Variants in CD40LG observed in about 807,000 individuals in gnomAD.
CD40LG encodes CD40 antigen ligand.
A neutral mutation model predicts 17.2 loss-of-function variants in CD40LG; 1 was observed. The ratio of observed to expected loss-of-function variants is 0.06; its 90% CI spans 0.02 to 0.28. The LOEUF (loss-of-function observed/expected upper bound fraction) is 0.28, where lower values mean the gene tolerates loss of function less well. Ranked by LOEUF, CD40LG falls within the 10% of genes least tolerant of loss-of-function variation. The pLI, the probability that CD40LG is intolerant of heterozygous loss-of-function variation, is 1.00. For synonymous variants in CD40LG, 66 were observed against 74.4 expected, an observed-to-expected ratio of 0.89 and a Z score of 0.58; for missense variants, 133 against 193.2, an observed-to-expected ratio of 0.69 and a Z score of 1.85.
intron 2 of CD40LG, among the ~76,000 whole-genome samples, chrX:136,653,416 A>G (rs2076109773): frequency 8.9e-6 from 1 of 112,745 alleles, no homozygotes; most frequent in Non-Finnish European, 1.9e-5. Flanking sequence ...GAAGGAGCAC[A>G]GGACTTTGAT....
At position 136,648,181 on chromosome X, in the gene CD40LG, T is replaced by C; in HGVS notation, c.-68T>C. 1.2e-6 allele frequency: 1 copy of C among 855,151 alleles called. No individual in the cohort carries two copies. Among genetic ancestry groups the C allele is most frequent in the Non-Finnish European group, 1.8e-6 (1 of 571,068 alleles). 70.5% of individuals were successfully genotyped at this position (855,151 alleles called of 1,213,427 possible). ...CTAATCCTGAGTAAGGTGGCCACTT[T>C]GACAGTCTTCTCATGCTGCCTCTGC... On this transcript the variant is annotated 5_prime_UTR_variant, in exon 1 of 5. Coordinates refer to ENST00000370629, the MANE Select transcript of CD40LG (RefSeq NM_000074.3).
At chrX:136,656,084 C>A (rs1214606418) in intron 3 of CD40LG, among the ~76,000 whole-genome samples, 3 of 112,033 alleles carry the variant, frequency 2.7e-5, no homozygotes, top group African/African-American at 9.8e-5. Flanking sequence ...TAATGAAGAC[C>A]AGTGTTTTTA....
chrX:136,652,018 G>C (rs1450682434), intron 2 of CD40LG, among the ~76,000 whole-genome samples: 2 of 111,437 alleles, frequency 1.8e-5, no homozygotes, highest in African/African-American at 6.5e-5. Flanking sequence ...AGCTACCGAG[G>C]ATAGGAGTAA....
At chrX:136,657,103 T>C (rs3092928) in intron 4 of CD40LG, among the ~76,000 whole-genome samples, 8,289 of 111,512 alleles carry the variant, frequency 0.074, 683 homozygotes, top group African/African-American at 0.24. Flanking sequence ...ACATAAAGTC[T>C]CCCATCAACA....
At chrX:136,654,513 T>TC in intron 3 of CD40LG, 83 bp downstream of exon 3, 1 of 718,727 alleles carries the variant, frequency 1.4e-6, no homozygotes, top group South Asian at 2.3e-5. Context: ...CAACCCAGTG[T>TC]TGTTGCATCA....
At chrX:136,651,502 G>A (rs1254947533) in intron 2 of CD40LG, among the ~76,000 whole-genome samples, 7 of 111,870 alleles carry the variant, frequency 6.3e-5, no homozygotes, top group East Asian at 2.8e-4. Context: ...AGTCACCTAC[G>A]GAGAACAGAA....
At position 136,656,589 on chromosome X, in the gene CD40LG, A is replaced by G. The variant is rs7050168; in HGVS notation, c.409+171A>G. ...CTTCAAAGTGAGTTCAAATGCACAG[A>G]TGGGACTTAGAGGGACAAAAGGAGG... is the stretch of plus-strand genomic sequence containing the variant. On this transcript the variant is annotated intron_variant, in intron 4 of 4. Transcript: ENST00000370629. Among the ~76,000 whole-genome samples the G allele has an allele frequency of 0.014, 1,527 of 112,194 alleles. 25 individuals are homozygous for G. Among genetic ancestry groups the G allele is most frequent in the South Asian group, 0.064 (173 of 2,683 alleles).
Position 136,659,188 on chromosome X carries a change from G to A in CD40LG, c.559G>A (p.Ala187Thr), listed in dbSNP as rs2076127287. Residue 187 changes from alanine to threonine, a missense_variant, in exon 5 of 5, where the codon GCT becomes ACT. Ala to Thr is a moderately conservative substitution (Grantham distance 58). Transcript: ENST00000370629. The part of the protein sequence containing the change: ...FCSNREASSQ[A>T]PFIASLCLKS... ...TTCCAATCGGGAAGCTTCGAGTCAA[G>A]CTCCATTTATAGCCAGCCTCTGCCT... is the stretch of plus-strand genomic sequence containing the variant. 1.7e-6 allele frequency: 2 copies of A among 1,209,971 alleles called. No individual in the cohort carries two copies. Among genetic ancestry groups the A allele is most frequent in the African/African-American group, 3.5e-5 (2 of 57,225 alleles).
intron 2 of CD40LG, among the ~76,000 whole-genome samples, chrX:136,651,254 C>T (rs715762): frequency 0.091 from 10,135 of 110,924 alleles, 514 homozygotes; most frequent in Admixed American, 0.27. Context: ...ACCCTTGGGC[C>T]TCGGCTCACT....
intron 4 of CD40LG, 35 bp from the exon 5 acceptor site, chrX:136,659,004 C>T (rs755054026): frequency 8.3e-7 from 1 of 1,202,346 alleles, no homozygotes; most frequent in South Asian, 1.8e-5. Flanking sequence ...TGCTCTGCTT[C>T]ACCTCACCAC....
chrX:136,650,261 AATAG>A lies in CD40LG; in HGVS notation c.158_161del. 8.5e-7 allele frequency: 1 copy of A among 1,175,075 alleles called. No individual in the cohort carries two copies. Among genetic ancestry groups the A allele is most frequent in the African/African-American group, 1.8e-5 (1 of 56,421 alleles). On this transcript the variant is annotated splice_acceptor_variant and splice_polypyrimidine_tract_variant and intron_variant, in intron 1 of 4. Coordinates refer to ENST00000370629, the MANE Select transcript of CD40LG (RefSeq NM_000074.3). LOFTEE classifies it high-confidence loss of function. ...ATTTATCATATCCTTGTTATTCCAA[AATAG>A]ATAGAAGATGAAAGGAATCTTCATG... is the stretch of plus-strand genomic sequence containing the variant.
chrX:136,653,568 T>C (rs1029496258), intron 2 of CD40LG, among the ~76,000 whole-genome samples: 9 of 112,666 alleles, frequency 8.0e-5, no homozygotes, highest in Non-Finnish European at 1.7e-4. Context: ...GGTGACCTCA[T>C]AATGACCAGT....
rs140560815 is a variant in CD40LG, at chrX:136,656,069, A to G, written c.347-287A>G. On this transcript the variant is annotated intron_variant, in intron 3 of 4. Coordinates refer to ENST00000370629, the MANE Select transcript of CD40LG (RefSeq NM_000074.3). ...TGTTCCTAAAAGCAAGATTCACGGT[A>G]TGTTTAATGAAGACCAGTGTTTTTA... Among the ~76,000 whole-genome samples the G allele has an allele frequency of 4.3e-3, 488 of 112,318 alleles. 5 individuals are homozygous for G. The highest frequency in any genetic ancestry group is 0.015 in the African/African-American group (460 of 30,945).
chrX:136,658,411 G>A (rs2076124726), intron 4 of CD40LG, among the ~76,000 whole-genome samples: 1 of 111,455 alleles, frequency 9.0e-6, no homozygotes. Context: ...CCACTACAAT[G>A]GGAGATCAAA....
intron 3 of CD40LG, among the ~76,000 whole-genome samples, chrX:136,655,222 G>A (rs762732420): frequency 5.4e-5 from 6 of 111,611 alleles, no homozygotes. Context: ...AGATATGGAA[G>A]ACAGCAATCA....
rs2076128686 is a variant in CD40LG at position 136,659,519 on chromosome X, G to A, written c.*104G>A. The A allele has an allele frequency of 4.8e-6, 4 of 826,279 alleles. No individual in the cohort carries two copies. The South Asian group carries it at 8.8e-5, about 18-fold the overall frequency. The allele number at this position is 826,279 out of a possible 1,213,427, so 68.1% of individuals were successfully genotyped here. On this transcript the variant is annotated 3_prime_UTR_variant, in exon 5 of 5. Transcript: ENST00000370629. Reference sequence around the variant, plus strand: ...TGTTAACTGCCTATTTATAACCCTAGGATCCTCCTTATGGAGAACTATTTA... The same window carrying A: ...TGTTAACTGCCTATTTATAACCCTAAGATCCTCCTTATGGAGAACTATTTA...
intron 2 of CD40LG, among the ~76,000 whole-genome samples, chrX:136,653,071 T>G (rs1033010748): frequency 8.9e-6 from 1 of 112,111 alleles, no homozygotes; most frequent in Non-Finnish European, 1.9e-5. Flanking sequence ...TCAACACCAA[T>G]GCAACAACTT....
chrX:136,649,177 C>T (rs1444505919), intron 1 of CD40LG, among the ~76,000 whole-genome samples: 3 of 112,251 alleles, frequency 2.7e-5, no homozygotes, highest in Non-Finnish European at 5.6e-5. Flanking sequence ...CTGGTGTTGA[C>T]AAAATACCAA....
intron 3 of CD40LG, 25 bp from the exon 4 acceptor site, chrX:136,656,331 C>G: frequency 8.4e-7 from 1 of 1,183,683 alleles, no homozygotes; most frequent in Non-Finnish European, 1.1e-6. Flanking sequence ...TTATTTTAGC[C>G]TGACAGTTTT....
Sources: gnomAD v4.1 joint callset for allele counts (sites outside exome capture counted in the v4.1 genomes callset) on GRCh38, gnomAD v4.1.1 for gene constraint, MANE v1.5 for transcripts, NCBI Gene and HGNC (gene_info 2026-07-23, HGNC 2026-07-21) for gene names.